The following SAMD3 variants were observed in gnomAD, a reference collection of about 807,000 sequenced individuals.
SAMD3 encodes sterile alpha motif domain-containing protein 3.
SAMD3 carries 63 observed loss-of-function variants against 58.5 expected under a neutral mutation model. That is an observed-to-expected ratio of 1.08 (90% CI 0.88 to 1.33). The LOEUF (loss-of-function observed/expected upper bound fraction) is 1.33, where lower values mean the gene tolerates loss of function less well. SAMD3 is among the 40% of genes most tolerant of loss of function. The probability of loss-of-function intolerance (pLI) is 0.00; values close to 1 mark genes in which losing one functional copy is unlikely to be tolerated. For missense variants in SAMD3, 604 were observed against 608.4 expected (o/e 0.99, Z 0.08); for synonymous variants, 220 against 210.3 (o/e 1.05, Z -0.40).
At chr6:130,246,620 C>A (rs551150756) in intron 2 of SAMD3, among the ~76,000 whole-genome samples, 1 of 151,958 alleles carries the variant, frequency 6.6e-6, no homozygotes, top group East Asian at 1.9e-4. Flanking sequence ...ACAGTTTGGC[C>A]GGGCTCATGC....
At chr6:130,324,626 A>C (rs1295920764) in intron 1 of SAMD3, among the ~76,000 whole-genome samples, 1 of 152,202 alleles carries the variant, frequency 6.6e-6, no homozygotes, top group Non-Finnish European at 1.5e-5. Flanking sequence ...AAAGTAGGTT[A>C]AAATGCTGCT....
chr6:130,183,149 C>T (rs567318444), intron 7 of SAMD3: 3 of 330,044 alleles, frequency 9.1e-6, no homozygotes, highest in African/African-American at 4.3e-5. Context: ...GGTTCTCAGC[C>T]GTGGTTGTAC....
At chr6:130,221,638 T>C (rs1250954575) in intron 1 of SAMD3, 1 of 152,140 alleles carries the variant, frequency 6.6e-6, no homozygotes, top group Non-Finnish European at 1.5e-5. Context: ...ATTTATTACA[T>C]GGAAGTGGAT....
chr6:130,188,599 C>T (rs1234795292), intron 5 of SAMD3, among the ~76,000 whole-genome samples: 1 of 152,192 alleles, frequency 6.6e-6, no homozygotes, highest in Non-Finnish European at 1.5e-5. Context: ...TCCTGCTTTT[C>T]CCTAACCTCT....
At chr6:130,171,480 A>T (rs1028601281) in intron 8 of SAMD3, among the ~76,000 whole-genome samples, 4 of 152,180 alleles carry the variant, frequency 2.6e-5, no homozygotes, top group African/African-American at 7.2e-5. Flanking sequence ...ACCCAGTATC[A>T]TTCAGGAGCA....
At chr6:130,313,855 C>G (rs1171846231) in intron 1 of SAMD3, among the ~76,000 whole-genome samples, 1 of 152,212 alleles carries the variant, frequency 6.6e-6, no homozygotes, top group Admixed American at 6.5e-5. Flanking sequence ...CCTGCAAGCT[C>G]ACAGTTCTGT....
intron 2 of SAMD3, among the ~76,000 whole-genome samples, chr6:130,259,689 A>G (rs1774050605): frequency 6.6e-6 from 1 of 152,004 alleles, no homozygotes; most frequent in Non-Finnish European, 1.5e-5. Context: ...ACCTGGACTC[A>G]ATGTATTTTT....
At chr6:130,257,493 C>T (rs7751789) in intron 2 of SAMD3, among the ~76,000 whole-genome samples, 67,860 of 151,886 alleles carry the variant, frequency 0.45, 17,168 homozygotes, top group African/African-American at 0.69. Flanking sequence ...AATAATTTCA[C>T]TCCTGACAGT....
chr6:130,359,235 C>T (rs907558048), intron 1 of SAMD3, among the ~76,000 whole-genome samples: 17 of 152,130 alleles, frequency 1.1e-4, no homozygotes, highest in African/African-American at 3.6e-4. Flanking sequence ...CTAAAATCCA[C>T]TGATTTTATA....
At chr6:130,196,101 G>A (rs888036787) in intron 5 of SAMD3, among the ~76,000 whole-genome samples, 6 of 152,028 alleles carry the variant, frequency 3.9e-5, no homozygotes, top group East Asian at 1.9e-4. Flanking sequence ...TACAGGACTG[G>A]GATCGCGTCC....
At chr6:130,242,223 C>G (rs1773383989) in intron 2 of SAMD3, among the ~76,000 whole-genome samples, 1 of 152,036 alleles carries the variant, frequency 6.6e-6, no homozygotes, top group African/African-American at 2.4e-5. Context: ...TATAAAGGGC[C>G]AAAGAATAAA....
rs1467000497 is a variant in SAMD3 at position 130,318,747 on chromosome 6, T to G, written c.-303-5654A>C. On this transcript the variant is annotated intron_variant, in intron 1 of 13. Coordinates refer to the SAMD3 transcript ENST00000368134. ...CCCAGCCCATCTAATAAAATATTAA[T>G]AGGCATGGAAAGACACAGGAAAACA... Among the ~76,000 whole-genome samples, 5 of 152,262 alleles carry G rather than the reference T, an allele frequency of 3.3e-5. No individual in the cohort carries two copies. In the South Asian group the frequency reaches 6.2e-4, roughly 19 times the overall value.
intron 1 of SAMD3, among the ~76,000 whole-genome samples, chr6:130,220,818 GA>G (rs995458727): frequency 6.6e-5 from 10 of 151,896 alleles, no homozygotes; most frequent in Non-Finnish European, 5.9e-5. Context: ...AAACAGAATA[GA>G]AACTTAGAAA....
At chr6:130,152,731 G>A (rs781577770) in intron 9 of SAMD3, among the ~76,000 whole-genome samples, 3 of 152,014 alleles carry the variant, frequency 2.0e-5, no homozygotes, top group Non-Finnish European at 4.4e-5. Flanking sequence ...TATTCAATAA[G>A]TACAGTCATT....
intron 2 of SAMD3, among the ~76,000 whole-genome samples, chr6:130,273,341 C>G (rs1396990238): frequency 6.6e-6 from 1 of 152,072 alleles, no homozygotes; most frequent in African/African-American, 2.4e-5. Flanking sequence ...ACTATTTGTA[C>G]AGAATATCTT....
intron 2 of SAMD3, among the ~76,000 whole-genome samples, chr6:130,290,197 A>C (rs1583056968): frequency 6.6e-6 from 1 of 152,198 alleles, no homozygotes; most frequent in South Asian, 2.1e-4. Flanking sequence ...AATTTATTTT[A>C]CGGAATTGGT....
At chr6:130,356,286 C>T (rs1777824086) in intron 1 of SAMD3, among the ~76,000 whole-genome samples, 1 of 152,166 alleles carries the variant, frequency 6.6e-6, no homozygotes, top group Admixed American at 6.5e-5. Context: ...TACACATACC[C>T]AGAACACTCT....
chr6:130,254,488 G>A (rs1389870866), intron 2 of SAMD3, among the ~76,000 whole-genome samples: 2 of 151,698 alleles, frequency 1.3e-5, no homozygotes, highest in Non-Finnish European at 2.9e-5. Flanking sequence ...GAGCCACCGA[G>A]TCCTGCCTTT....
chr6:130,197,009 C>T (rs28807673), intron 5 of SAMD3, among the ~76,000 whole-genome samples: 32,208 of 152,012 alleles, frequency 0.21, 4,194 homozygotes, highest in East Asian at 0.44. Flanking sequence ...ATATCCCTTA[C>T]GGTCCTCCAT....
Sources: allele counts gnomAD v4.1 joint callset (sites outside exome capture counted in the v4.1 genomes callset), GRCh38; gene constraint gnomAD v4.1.1; transcripts MANE v1.5; gene names NCBI Gene and HGNC (gene_info 2026-07-23, HGNC 2026-07-21).